The following CNTN4 variants were observed in gnomAD, a reference collection of about 807,000 sequenced individuals.
CNTN4 encodes contactin-4.
A neutral mutation model predicts 122.5 loss-of-function variants in CNTN4; 77 were observed. The observed-to-expected ratio is 0.63, with a 90% CI of 0.52 to 0.76. CNTN4 has a LOEUF of 0.76. Among genes scored for constraint, CNTN4 ranks in the 30% least tolerant of loss-of-function variants. The pLI is 0.00. For missense variants in CNTN4, 1,256 were observed against 1,259.1 expected (o/e 1.00, Z 0.04); for synonymous variants, 512 against 447.0 (o/e 1.15, Z -1.83).
At chr3:2,766,353 C>T (rs1420125914) in intron 6 of CNTN4, among the ~76,000 whole-genome samples, 2 of 152,174 alleles carry the variant, frequency 1.3e-5, no homozygotes, top group Non-Finnish European at 2.9e-5. Flanking sequence ...AAATGACCAT[C>T]AGTTAGTGAG....
At chr3:2,754,346 A>G (rs181923046) in intron 6 of CNTN4, among the ~76,000 whole-genome samples, 1 of 152,352 alleles carries the variant, frequency 6.6e-6, no homozygotes, top group East Asian at 1.9e-4. Context: ...TAAGTCATAC[A>G]TAAGTACTTC....
At chr3:2,101,676 CAG>C (rs1229616647) in intron 2 of CNTN4, among the ~76,000 whole-genome samples, 7 of 151,976 alleles carry the variant, frequency 4.6e-5, no homozygotes, top group Admixed American at 1.3e-4. Flanking sequence ...TATTTACTAT[CAG>C]AAGAAATCTG....
intron 4 of CNTN4, among the ~76,000 whole-genome samples, chr3:2,610,453 G>C (rs892491198): frequency 2.6e-5 from 4 of 152,148 alleles, no homozygotes; most frequent in African/African-American, 4.8e-5. Flanking sequence ...CAGTCAGTCA[G>C]TTCTGACATC....
chr3:2,609,860 A>G (rs1021411073), intron 4 of CNTN4, among the ~76,000 whole-genome samples: 1 of 152,150 alleles, frequency 6.6e-6, no homozygotes, highest in African/African-American at 2.4e-5. Flanking sequence ...GTGCAACTTT[A>G]TATGTAGCAC....
chr3:2,584,042 T>C (rs2080065949), intron 4 of CNTN4, among the ~76,000 whole-genome samples: 1 of 152,154 alleles, frequency 6.6e-6, no homozygotes, highest in Non-Finnish European at 1.5e-5. Context: ...AGTTGCTCAG[T>C]GTATGAGCTT....
chr3:3,042,508 C>A (rs1700254708), intron 21 of CNTN4, 86 bp downstream of exon 21: 4 of 842,996 alleles, frequency 4.7e-6, no homozygotes, highest in Admixed American at 1.9e-5. Flanking sequence ...TAGGAAGAGA[C>A]CCACATTCCC....
At chr3:2,729,192 G>A (rs945783889) in intron 4 of CNTN4, among the ~76,000 whole-genome samples, 4 of 152,196 alleles carry the variant, frequency 2.6e-5, no homozygotes, top group Admixed American at 6.5e-5. Context: ...TTCATCCCAC[G>A]GAGTAGCCGC....
intron 14 of CNTN4, among the ~76,000 whole-genome samples, chr3:2,990,386 G>T (rs919614118): frequency 2.6e-5 from 4 of 152,164 alleles, no homozygotes; most frequent in African/African-American, 9.7e-5. Flanking sequence ...CTATAATAAA[G>T]AAATGACTAA....
At chr3:2,425,598 G>T (rs1047512674) in intron 3 of CNTN4, among the ~76,000 whole-genome samples, 137 of 152,176 alleles carry the variant, frequency 9.0e-4, no homozygotes, top group Middle Eastern at 3.4e-3. Flanking sequence ...TTTTTTCCAA[G>T]TCTGTGAAGA....
chr3:2,925,387 C>T (rs2094464255), intron 12 of CNTN4, among the ~76,000 whole-genome samples: 1 of 151,988 alleles, frequency 6.6e-6, no homozygotes, highest in Non-Finnish European at 1.5e-5. Context: ...AACGCCATCA[C>T]TACTAAAATA....
At position 2,785,732 on chromosome 3, in the gene CNTN4, C is replaced by T. The variant is rs376155431; in HGVS notation, c.359-33754C>T. ...TGTGCTACCACCCCATGTGGCGGCT[C>T]TGCTGAAGTGATACGGACAGGAGAC... is the stretch of plus-strand genomic sequence containing the variant. On this transcript the variant is annotated intron_variant, in intron 6 of 24. Transcript: ENST00000418658. 4.6e-5 allele frequency among the ~76,000 whole-genome samples: 7 copies of T among 152,226 alleles called. No homozygotes were observed. In the South Asian group the frequency reaches 1.5e-3, roughly 32 times the overall value.
intron 6 of CNTN4, among the ~76,000 whole-genome samples, chr3:2,760,788 C>G (rs2320961): frequency 0.48 from 72,480 of 152,006 alleles, 19,061 homozygotes; most frequent in Non-Finnish European, 0.62. Context: ...ACATTTGGAG[C>G]CCTGACAATC....
chr3:2,445,668 A>T (rs987185467), intron 3 of CNTN4, among the ~76,000 whole-genome samples: 1 of 152,212 alleles, frequency 6.6e-6, no homozygotes, highest in African/African-American at 2.4e-5. Flanking sequence ...AATTATTATT[A>T]TATTAATAGT....
chr3:2,225,701 T>A (rs986125220), intron 2 of CNTN4, among the ~76,000 whole-genome samples: 1 of 152,218 alleles, frequency 6.6e-6, no homozygotes, highest in East Asian at 1.9e-4. Context: ...ACTGTGCTGC[T>A]CTTTTTACTG....
At chr3:2,440,932 T>G (rs1236344867) in intron 3 of CNTN4, among the ~76,000 whole-genome samples, 2 of 148,924 alleles carry the variant, frequency 1.3e-5, no homozygotes, top group Admixed American at 1.4e-4. Flanking sequence ...ATAAAAAGAT[T>G]ATATATGTGT....
intron 3 of CNTN4, among the ~76,000 whole-genome samples, chr3:2,428,480 A>G (rs1280535458): frequency 6.6e-6 from 1 of 152,142 alleles, no homozygotes; most frequent in Non-Finnish European, 1.5e-5. Flanking sequence ...GGGTAACCCA[A>G]CCTTTCTCTC....
chr3:2,261,401 C>G (rs952679082), intron 2 of CNTN4, among the ~76,000 whole-genome samples: 4 of 152,122 alleles, frequency 2.6e-5, no homozygotes, highest in African/African-American at 9.7e-5. Flanking sequence ...TGCATGTGCT[C>G]TTATTGTCCA....
intron 4 of CNTN4, among the ~76,000 whole-genome samples, chr3:2,704,366 G>T (rs2086533436): frequency 7.1e-6 from 1 of 140,402 alleles, no homozygotes; most frequent in Non-Finnish European, 1.5e-5. Context: ...ACCATTTCAA[G>T]ACCCCTTTAA....
chr3:2,530,235 G>C (rs2077546590), intron 3 of CNTN4, among the ~76,000 whole-genome samples: 1 of 151,102 alleles, frequency 6.6e-6, no homozygotes, highest in South Asian at 2.1e-4. Flanking sequence ...GTCACTGCTT[G>C]ACAAATATAA....
Sources: gnomAD v4.1 joint callset for allele counts (sites outside exome capture counted in the v4.1 genomes callset) on GRCh38, gnomAD v4.1.1 for gene constraint, MANE v1.5 for transcripts, NCBI Gene and HGNC (gene_info 2026-07-23, HGNC 2026-07-21) for gene names.